The following CMSS1 variants were observed in gnomAD, a reference collection of about 807,000 sequenced individuals.
CMSS1 encodes protein CMSS1.
Under a neutral mutation model 43.5 loss-of-function variants are expected in CMSS1, and 33 were observed. The observed-to-expected ratio is 0.76, with a 90% CI of 0.57 to 1.01. The LOEUF (loss-of-function observed/expected upper bound fraction) is 1.01, where lower values mean the gene tolerates loss of function less well. Among genes scored for constraint, CMSS1 ranks in the 50% least tolerant of loss-of-function variants. CMSS1 has a pLI of 0.00. For missense variants in CMSS1, 313 were observed against 326.4 expected (o/e 0.96, Z 0.32); for synonymous variants, 115 against 117.2 (o/e 0.98, Z 0.12).
At chr3:99,892,615 T>C (rs190723121) in intron 1 of CMSS1, among the ~76,000 whole-genome samples, 1 of 152,296 alleles carries the variant, frequency 6.6e-6, no homozygotes, top group Admixed American at 6.5e-5. Context: ...GTTCCAGGCA[T>C]CTCATCCAAA....
chr3:99,881,813 G>A (rs890328650), intron 1 of CMSS1, among the ~76,000 whole-genome samples: 6 of 152,138 alleles, frequency 3.9e-5, no homozygotes, highest in African/African-American at 7.2e-5. Flanking sequence ...GATTATAGGC[G>A]TGAGCCACCG....
chr3:99,991,524 G>T (rs1424797054), intron 1 of CMSS1, among the ~76,000 whole-genome samples: 4 of 151,994 alleles, frequency 2.6e-5, no homozygotes, highest in Non-Finnish European at 5.9e-5. Flanking sequence ...TCATGGTCAA[G>T]TCTGGGCTTT....
At chr3:99,967,622 A>G (rs569415321) in intron 1 of CMSS1, among the ~76,000 whole-genome samples, 1 of 152,324 alleles carries the variant, frequency 6.6e-6, no homozygotes, top group East Asian at 1.9e-4. Flanking sequence ...CGACACATGC[A>G]GAGATTGAAG....
At chr3:99,905,393 C>T (rs142782696) in intron 1 of CMSS1, among the ~76,000 whole-genome samples, 267 of 152,306 alleles carry the variant, frequency 1.8e-3, no homozygotes, top group Non-Finnish European at 2.9e-3. Flanking sequence ...TACCAGTCTT[C>T]TAATTGCTCT....
At chr3:99,906,823 A>G (rs1334557612) in intron 1 of CMSS1, among the ~76,000 whole-genome samples, 1 of 152,168 alleles carries the variant, frequency 6.6e-6, no homozygotes, top group African/African-American at 2.4e-5. Context: ...ACTTGAAAGC[A>G]AGACACTTTT....
intron 1 of CMSS1, among the ~76,000 whole-genome samples, chr3:99,863,783 C>A (rs1944376088): frequency 6.6e-6 from 1 of 152,198 alleles, no homozygotes; most frequent in Non-Finnish European, 1.5e-5. Context: ...ACTGTAACCA[C>A]TGATACTAGT....
intron 1 of CMSS1, among the ~76,000 whole-genome samples, chr3:99,845,136 G>A (rs1169052693): frequency 1.3e-5 from 2 of 152,124 alleles, no homozygotes; most frequent in African/African-American, 4.8e-5. Context: ...GATTGAACAA[G>A]TATCAAGATT....
intron 1 of CMSS1, among the ~76,000 whole-genome samples, chr3:100,064,672 T>G (rs1055068990): frequency 2.0e-5 from 3 of 152,242 alleles, no homozygotes; most frequent in Non-Finnish European, 4.4e-5. Flanking sequence ...GAACTTTTTA[T>G]TTCCACTTGC....
intron 1 of CMSS1, among the ~76,000 whole-genome samples, chr3:100,031,854 T>C (rs2065027404): frequency 6.6e-6 from 1 of 152,198 alleles, no homozygotes; most frequent in Admixed American, 6.5e-5. Flanking sequence ...GGCCATATGG[T>C]CTGTGTAGTA....
At chr3:100,006,655 C>CAA (rs201648197) in intron 1 of CMSS1, among the ~76,000 whole-genome samples, 21 of 134,048 alleles carry the variant, frequency 1.6e-4, no homozygotes, top group South Asian at 2.4e-4. Context: ...CTTTTCTTTC[C>CAA]AAAAAAAAAA....
intron 1 of CMSS1, among the ~76,000 whole-genome samples, chr3:100,069,567 A>G (rs2065725973): frequency 6.6e-6 from 1 of 152,034 alleles, no homozygotes; most frequent in African/African-American, 2.4e-5. Context: ...CAGTCTAAAA[A>G]CTAGTGGTTC....
intron 1 of CMSS1, among the ~76,000 whole-genome samples, chr3:99,864,563 C>G (rs552080238): frequency 1.3e-5 from 2 of 152,096 alleles, no homozygotes; most frequent in African/African-American, 2.4e-5. Context: ...TGCCGGAAAC[C>G]CCAGACAAAA....
intron 1 of CMSS1, among the ~76,000 whole-genome samples, chr3:99,992,572 G>A (rs758092346): frequency 3.3e-5 from 5 of 152,006 alleles, no homozygotes; most frequent in Non-Finnish European, 7.4e-5. Flanking sequence ...TTAGCCCTTT[G>A]TCAGATGCAT....
chr3:99,961,956 A>G (rs916965783), intron 1 of CMSS1, among the ~76,000 whole-genome samples: 1 of 152,164 alleles, frequency 6.6e-6, no homozygotes, highest in African/African-American at 2.4e-5. Context: ...CTTCTGATCT[A>G]TTAATAGCAG....
chr3:99,998,901 C>G (rs886793404), intron 1 of CMSS1, among the ~76,000 whole-genome samples: 1 of 152,162 alleles, frequency 6.6e-6, no homozygotes, highest in African/African-American at 2.4e-5. Context: ...ATCTTTTCCC[C>G]CAACTAGAAA....
chr3:100,099,437 A>T (rs1330923069), intron 1 of CMSS1, among the ~76,000 whole-genome samples: 1 of 152,130 alleles, frequency 6.6e-6, no homozygotes, highest in East Asian at 1.9e-4. Flanking sequence ...AAGGGTAAGG[A>T]AGGTAGAGGA....
chr3:99,979,562 A>C (rs1245168443), intron 1 of CMSS1, among the ~76,000 whole-genome samples: 2 of 152,240 alleles, frequency 1.3e-5, no homozygotes, highest in Non-Finnish European at 1.5e-5. Context: ...AATGAGAAAC[A>C]GGATAAAACT....
intron 1 of CMSS1, among the ~76,000 whole-genome samples, chr3:99,911,315 A>G (rs768996613): frequency 6.7e-6 from 1 of 148,340 alleles, no homozygotes; most frequent in Non-Finnish European, 1.5e-5. Flanking sequence ...TTGTTATTAT[A>G]TATTATATAA....
At chr3:99,936,665 G>A (rs931748487) in intron 1 of CMSS1, among the ~76,000 whole-genome samples, 6 of 148,744 alleles carry the variant, frequency 4.0e-5, no homozygotes, top group East Asian at 2.1e-4. Context: ...AGCCACCTGC[G>A]CCCAGCCCGC....
Sources: gnomAD v4.1 joint callset for allele counts (sites outside exome capture counted in the v4.1 genomes callset) on GRCh38, gnomAD v4.1.1 for gene constraint, MANE v1.5 for transcripts, NCBI Gene and HGNC (gene_info 2026-07-23, HGNC 2026-07-21) for gene names.